The following SELENOI variants were observed in gnomAD, a reference collection of about 807,000 sequenced individuals.
SELENOI encodes the protein ethanolaminephosphotransferase 1.
A neutral mutation model predicts 50.7 loss-of-function variants in SELENOI; 24 were observed. The observed-to-expected ratio is 0.47, with a 90% confidence interval of 0.34 to 0.67. The LOEUF is 0.67. SELENOI is among the 30% of genes least tolerant of loss of function. SELENOI has a pLI of 0.01. For missense variants in SELENOI, 352 were observed against 461.4 expected (o/e 0.76, Z 2.17); for synonymous variants, 155 against 170.2 (o/e 0.91, Z 0.70).
At chr2:26,365,843 C>G (rs1022327272) in intron 3 of SELENOI, among the ~76,000 whole-genome samples, 1 of 144,852 alleles carries the variant, frequency 6.9e-6, no homozygotes, top group African/African-American at 2.6e-5. Context: ...ACTCTGTCGC[C>G]CAGGCTGGAG....
At chr2:26,371,667 C>G (rs370826487) in intron 4 of SELENOI, among the ~76,000 whole-genome samples, 2 of 152,244 alleles carry the variant, frequency 1.3e-5, no homozygotes, top group Non-Finnish European at 2.9e-5. Flanking sequence ...GAGACCAGCC[C>G]GGCCAACACA....
intron 6 of SELENOI, among the ~76,000 whole-genome samples, chr2:26,377,560 A>G (rs1677594144): frequency 6.6e-6 from 1 of 152,102 alleles, no homozygotes; most frequent in Non-Finnish European, 1.5e-5. Flanking sequence ...TGAGCCCAGG[A>G]AGTCGAGGCT....
rs1480285923 is a variant in SELENOI at position 26,390,830 on chromosome 2, G to A, written c.*1727G>A. The A allele has an allele frequency of 6.6e-6, 1 of 152,120 alleles. No homozygotes were observed. Among genetic ancestry groups the A allele is most frequent in the Non-Finnish European group, 1.5e-5 (1 of 67,998 alleles). 9.4% of individuals were successfully genotyped at this position (152,120 alleles called of 1,614,324 possible). The stretch of plus-strand genomic sequence containing the variant: ...AATTAAGTGACGGTAACTATTTTTT[G>A]TATACCTTGTTCTTTGTGATCTATA... On this transcript the variant is annotated 3_prime_UTR_variant, in exon 10 of 10. Transcript: ENST00000260585.
intron 1 of SELENOI, among the ~76,000 whole-genome samples, chr2:26,363,943 C>T (rs548244975): frequency 2.8e-4 from 43 of 152,092 alleles, no homozygotes; most frequent in Admixed American, 9.8e-4. Context: ...GGTTTCACCA[C>T]GTTGGCCAGG....
chr2:26,395,163 T>C lies in SELENOI; in HGVS notation c.*6060T>C, dbSNP rs1572342307. 6.6e-6 allele frequency: 1 copy of C among 152,252 alleles called. No homozygotes were observed. Among genetic ancestry groups the C allele is most frequent in the East Asian group, 1.9e-4 (1 of 5,206 alleles). The allele number at this position is 152,252 out of a possible 1,614,324, so 9.4% of individuals were successfully genotyped here. ...TATGCCTATTTAATATGTACACATATATTCACTACATATGTATGTATGATA... is the reference window on the plus strand; with the variant it reads ...TATGCCTATTTAATATGTACACATACATTCACTACATATGTATGTATGATA... On this transcript the variant is annotated 3_prime_UTR_variant, in exon 10 of 10. Coordinates refer to ENST00000260585, the MANE Select transcript of SELENOI (RefSeq NM_033505.4).
chr2:26,361,413 A>T (rs1677174702), intron 1 of SELENOI, among the ~76,000 whole-genome samples: 1 of 152,258 alleles, frequency 6.6e-6, no homozygotes, highest in Non-Finnish European at 1.5e-5. Context: ...ACAACTAAGA[A>T]TAAAACAACT....
rs896570297 is a variant in SELENOI, at chr2:26,391,002, A to G, written c.*1899A>G. The G allele has an allele frequency of 6.6e-6, 1 of 152,264 alleles. No homozygotes were observed. Among genetic ancestry groups the G allele is most frequent in the East Asian group, 1.9e-4 (1 of 5,208 alleles). The allele number at this position is 152,264 out of a possible 1,614,324, so 9.4% of individuals were successfully genotyped here. ...ATAAGAAAAGAACTGATAAATATTT[A>G]TAAAATGACAAACTTGGACCACAGG... On this transcript the variant is annotated 3_prime_UTR_variant, in exon 10 of 10. Coordinates refer to ENST00000260585, the MANE Select transcript of SELENOI (RefSeq NM_033505.4).
chr2:26,390,121 A>C lies in SELENOI; in HGVS notation c.*1018A>C, dbSNP rs1677931786. The C allele has an allele frequency of 6.7e-6, 1 of 148,544 alleles. No homozygotes were observed. The highest frequency in any genetic ancestry group is 2.5e-5 in the African/African-American group (1 of 39,844). 9.2% of individuals were successfully genotyped at this position (148,544 alleles called of 1,614,324 possible). ...AAGTTCTCTCTTCTCCAGCTTGTCC[A>C]TTTCCCCACTTGAAGAAAACTTTTG... On this transcript the variant is annotated 3_prime_UTR_variant, in exon 10 of 10. Coordinates refer to ENST00000260585, the MANE Select transcript of SELENOI (RefSeq NM_033505.4).
chr2:26,357,587 T>C (rs1677090193), intron 1 of SELENOI, among the ~76,000 whole-genome samples: 1 of 152,220 alleles, frequency 6.6e-6, no homozygotes, highest in Non-Finnish European at 1.5e-5. Context: ...CTTGCCTCTA[T>C]TTCAGCTTCC....
intron 1 of SELENOI, among the ~76,000 whole-genome samples, chr2:26,350,583 AGCATTTGGGCT>A (rs1331471382): frequency 6.6e-6 from 1 of 152,236 alleles, no homozygotes; most frequent in African/African-American, 2.4e-5. Context: ...TGTCAGGCAT[AGCATTTGGGCT>A]GCAAAATTAA....
rs1677295140 is a variant in SELENOI, at chr2:26,366,834, A to G, written c.236-312A>G. On this transcript the variant is annotated intron_variant, in intron 3 of 9. Transcript: ENST00000260585. ...ATTAGATTAAATGCAATTAATTTCT[A>G]AATTCCAAAAATATATTATTTTTCA... 3.3e-5 allele frequency among the ~76,000 whole-genome samples: 5 copies of G among 152,250 alleles called. No individual in the cohort carries two copies. The South Asian group carries it at 1.0e-3, about 32-fold the overall frequency.
chr2:26,374,913 A>T, intron 5 of SELENOI, 127 bp from the exon 6 acceptor site: 1 of 639,546 alleles, frequency 1.6e-6, no homozygotes, highest in African/African-American at 1.9e-5. Context: ...CCACATACCA[A>T]ATATAAGCAT....
At chr2:26,383,506 C>T (rs1290241628) in intron 7 of SELENOI, among the ~76,000 whole-genome samples, 159 bp downstream of exon 7, 1 of 152,074 alleles carries the variant, frequency 6.6e-6, no homozygotes, top group Non-Finnish European at 1.5e-5. Flanking sequence ...TTTAGGGTGT[C>T]GATGGTGGCT....
Position 26,364,959 on chromosome 2 carries a change from T to C in SELENOI, c.235+19T>C, listed in dbSNP as rs181208721. On this transcript the variant is annotated intron_variant, in intron 3 of 9. Coordinates refer to ENST00000260585, the MANE Select transcript of SELENOI (RefSeq NM_033505.4). Reference sequence around the variant, plus strand: ...GCCTCAGGTAAGAATATTACTTTATTATAAAATTTAACTGAGTAGAAAAAA... The same window carrying C: ...GCCTCAGGTAAGAATATTACTTTATCATAAAATTTAACTGAGTAGAAAAAA... The C allele has an allele frequency of 1.4e-5, 21 of 1,501,010 alleles. No individual in the cohort carries two copies. In the Admixed American group the frequency reaches 3.2e-4, roughly 23 times the overall value. 93.0% of individuals were successfully genotyped at this position (1,501,010 alleles called of 1,614,324 possible).
Position 26,366,558 on chromosome 2 carries a change from T to C in SELENOI, c.236-588T>C, listed in dbSNP as rs114776985. 4.3e-3 allele frequency among the ~76,000 whole-genome samples: 660 copies of C among 152,262 alleles called. 2 individuals are homozygous for C. The highest frequency in any genetic ancestry group is 7.1e-3 in the Non-Finnish European group (485 of 68,008). The stretch of plus-strand genomic sequence containing the variant: ...ATACAAGATGGGAGAGATTAAATGA[T>C]ACATTCAAGGTTACACTGCTGGTTG... On this transcript the variant is annotated intron_variant, in intron 3 of 9. Coordinates refer to ENST00000260585, the MANE Select transcript of SELENOI (RefSeq NM_033505.4).
rs531680288 is a variant in SELENOI at position 26,389,499 on chromosome 2, T to G, written c.*396T>G. ...GTGTGTTTTCATATTTGGAACTTTG[T>G]AATAGCGGGAGTAGCAGTAGTCCAA... On this transcript the variant is annotated 3_prime_UTR_variant, in exon 10 of 10. Transcript: ENST00000260585. 6.3e-6 allele frequency: 1 copy of G among 159,348 alleles called. No individual in the cohort carries two copies. Among genetic ancestry groups the G allele is most frequent in the South Asian group, 1.9e-4 (1 of 5,336 alleles). 9.9% of individuals were successfully genotyped at this position (159,348 alleles called of 1,614,324 possible). A position where few individuals can be genotyped will look rare whatever the true frequency, so the allele number is the denominator to read the frequency against.
intron 9 of SELENOI, 98 bp downstream of exon 9, chr2:26,386,634 GA>G: frequency 9.3e-7 from 1 of 1,070,330 alleles, no homozygotes; most frequent in Admixed American, 3.6e-5. Flanking sequence ...ATTTTAAAAA[GA>G]AAGTTGCTTA....
chr2:26,370,491 A>AC (rs1218712489), intron 4 of SELENOI, among the ~76,000 whole-genome samples: 35 of 145,176 alleles, frequency 2.4e-4, no homozygotes, highest in Non-Finnish European at 3.5e-4. Context: ...CGGGGGGCTG[A>AC]CCCCCCCACC....
Position 26,364,359 on chromosome 2 carries a change from A to G in SELENOI, c.115A>G (p.Thr39Ala), listed in dbSNP as rs1431897952. ...SLYVMHPFWN[T>A]IVKVFPTWLA... ...GTATGTCATGCATCCATTCTGGAAC[A>G]CTATAGTAAAGGTAAGATAATTAAT... Residue 39 changes from threonine to alanine, a missense_variant, in exon 2 of 10, where the codon ACT becomes GCT. By Grantham distance (58) the Thr-to-Ala change is moderately conservative (BLOSUM62 0). Coordinates refer to ENST00000260585, the MANE Select transcript of SELENOI (RefSeq NM_033505.4). 6.4e-7 allele frequency: 1 copy of G among 1,551,922 alleles called. No individual in the cohort carries two copies. Among genetic ancestry groups the G allele is most frequent in the East Asian group, 2.4e-5 (1 of 42,306 alleles).
Sources: allele counts gnomAD v4.1 joint callset (sites outside exome capture counted in the v4.1 genomes callset), GRCh38; gene constraint gnomAD v4.1.1; transcripts MANE v1.5; gene names NCBI Gene and HGNC (gene_info 2026-07-23, HGNC 2026-07-21).